BCL2L13: variants seen among roughly 807,000 people sequenced by gnomAD.
BCL2L13 encodes the protein BCL2 like 13.
Under a neutral mutation model 25.8 loss-of-function variants are expected in BCL2L13, and 13 were observed. The observed-to-expected ratio is 0.50, with a 90% confidence interval of 0.33 to 0.80. The LOEUF is 0.80. Among genes scored for constraint, BCL2L13 ranks in the 30% least tolerant of loss-of-function variants. BCL2L13 has a pLI of 0.02. For synonymous variants in BCL2L13, 244 were observed against 230.3 expected, an observed-to-expected ratio of 1.06 and a Z score of -0.54; for missense variants, 504 against 574.9, an observed-to-expected ratio of 0.88 and a Z score of 1.26.
chr22:17,632,778 G>T (rs2058051680), intron 1 of BCL2L13, among the ~76,000 whole-genome samples: 1 of 146,506 alleles, frequency 6.8e-6, no homozygotes, highest in African/African-American at 2.5e-5. Flanking sequence ...TTTGGAGATG[G>T]GAGTCTTGCT....
chr22:17,630,597 T>C (rs924601534), intron 1 of BCL2L13, among the ~76,000 whole-genome samples: 4 of 147,912 alleles, frequency 2.7e-5, no homozygotes, highest in Non-Finnish European at 6.0e-5. Flanking sequence ...TTTTCTTTTT[T>C]TTTTTTTTTT....
In BCL2L13 at chr22:17,719,846, A is replaced by AAAAAAAAAAAAC. The variant is rs1555897108; in HGVS notation, c.601-6827_601-6826insAAAAAAACAAAA. Among the ~76,000 whole-genome samples the AAAAAAAAAAAAC allele has an allele frequency of 1.5e-5, 2 of 129,114 alleles. 1 individual carries two copies. The allele number at this position is 129,114 out of a possible 152,430, so 84.7% of individuals were successfully genotyped here. A position where few individuals can be genotyped will look rare whatever the true frequency, so the allele number is the denominator to read the frequency against. On this transcript the variant is annotated intron_variant, in intron 6 of 6. Coordinates refer to ENST00000317582, the MANE Select transcript of BCL2L13 (RefSeq NM_015367.4). ...CCATCTCAAAAAAAAAAAAAAAAAA[A>AAAAAAAAAAAAC]AAAAGAATGAAGTATGGATACATGC...
At chr22:17,655,557 A>T in intron 1 of BCL2L13, 105 bp from the exon 2 acceptor site, 1 of 877,602 alleles carries the variant, frequency 1.1e-6, no homozygotes, top group Non-Finnish European at 1.6e-6. Flanking sequence ...CGACAAGAGC[A>T]AGACTCTACC....
rs2060260187 is a variant in BCL2L13 at position 17,696,220 on chromosome 22, C to A, written c.456+10C>A. 5 of 1,609,206 alleles carry A rather than the reference C, an allele frequency of 3.1e-6. No homozygotes were observed. Among genetic ancestry groups the A allele is most frequent in the Non-Finnish European group, 4.3e-6 (5 of 1,175,674 alleles). ...CAGCGGCTGGAATAAGGTATCATCA[C>A]AATGATCTTTTCTCTTAAAAGATTT... On this transcript the variant is annotated intron_variant, in intron 5 of 6. Coordinates refer to ENST00000317582, the MANE Select transcript of BCL2L13 (RefSeq NM_015367.4).
chr22:17,692,083 T>C (rs533733593), intron 4 of BCL2L13, among the ~76,000 whole-genome samples: 12 of 152,346 alleles, frequency 7.9e-5, no homozygotes, highest in African/African-American at 2.9e-4. Context: ...GGCAGTATCG[T>C]AAGGTAGAAA....
chr22:17,679,321 G>A (rs1227582102), intron 2 of BCL2L13, among the ~76,000 whole-genome samples: 2 of 144,418 alleles, frequency 1.4e-5, no homozygotes. Flanking sequence ...CCAGGCTGGA[G>A]TGCAATGGTG....
At chr22:17,699,273 G>T (rs1325158059) in intron 5 of BCL2L13, among the ~76,000 whole-genome samples, 3 of 152,156 alleles carry the variant, frequency 2.0e-5, no homozygotes, top group African/African-American at 4.8e-5. Context: ...TCACAGAAGG[G>T]TTAAATAGAT....
intron 4 of BCL2L13, among the ~76,000 whole-genome samples, chr22:17,694,698 T>C (rs958919610): frequency 1.3e-5 from 2 of 152,140 alleles, no homozygotes; most frequent in Admixed American, 1.3e-4. Flanking sequence ...ATTAGCTACA[T>C]GTGACATCGA....
chr22:17,726,474 C>G (rs566144065), intron 6 of BCL2L13, among the ~76,000 whole-genome samples: 92 of 151,862 alleles, frequency 6.1e-4, no homozygotes, highest in African/African-American at 2.1e-3. Context: ...TTTTTAGTTT[C>G]AAGGAGACTG....
chr22:17,713,696 G>A (rs1187278056), intron 6 of BCL2L13, among the ~76,000 whole-genome samples: 4 of 151,522 alleles, frequency 2.6e-5, no homozygotes, highest in Non-Finnish European at 4.4e-5. Context: ...TCTTGACCTC[G>A]TGATCCACCC....
chr22:17,683,953 G>T (rs2059832685), intron 3 of BCL2L13, among the ~76,000 whole-genome samples: 2 of 151,338 alleles, frequency 1.3e-5, no homozygotes, highest in South Asian at 4.2e-4. Flanking sequence ...GGGATTACAG[G>T]TGTAAGCCAC....
chr22:17,654,523 T>C (rs2058789618), intron 1 of BCL2L13, among the ~76,000 whole-genome samples: 1 of 151,778 alleles, frequency 6.6e-6, no homozygotes, highest in Non-Finnish European at 1.5e-5. Context: ...TCCGGGTTTA[T>C]GCCATTCTCC....
upstream of BCL2L13, chr22:17,638,585 C>G: frequency 1.1e-6 from 1 of 930,956 alleles, no homozygotes; most frequent in Non-Finnish European, 1.4e-6. Context: ...CCGAACGTCG[C>G]AATCAGATTT....
intron 1 of BCL2L13, among the ~76,000 whole-genome samples, chr22:17,645,299 G>A (rs569234270): frequency 3.7e-5 from 5 of 134,868 alleles, no homozygotes; most frequent in Non-Finnish European, 7.6e-5. Context: ...TAGGCTCACC[G>A]CAACCTCTGC....
intron 1 of BCL2L13, among the ~76,000 whole-genome samples, chr22:17,644,806 C>CTT (rs771290371): frequency 3.0e-5 from 4 of 133,434 alleles, no homozygotes; most frequent in Admixed American, 1.5e-4. Context: ...CTAGGAATTT[C>CTT]TTTTTTTTTT....
intron 1 of BCL2L13, among the ~76,000 whole-genome samples, chr22:17,651,543 G>A (rs1205677486): frequency 2.7e-5 from 4 of 147,886 alleles, no homozygotes; most frequent in African/African-American, 7.5e-5. Context: ...CACTGTGCCC[G>A]GCTAATTTTT....
intron 1 of BCL2L13, among the ~76,000 whole-genome samples, chr22:17,648,827 T>C (rs531776281): frequency 1.3e-5 from 2 of 152,168 alleles, no homozygotes; most frequent in Non-Finnish European, 2.9e-5. Flanking sequence ...TTTGGAAACT[T>C]AGTGATTTGT....
Position 17,660,032 on chromosome 22 carries a change from T to C in BCL2L13, c.121+4200T>C, listed in dbSNP as rs114359238. 4.3e-3 allele frequency among the ~76,000 whole-genome samples: 622 copies of C among 146,044 alleles called. 29 individuals are homozygous for C. Among genetic ancestry groups the C allele is most frequent in the African/African-American group, 0.015 (598 of 41,172 alleles). ...CACTGCGCCGAGCTCATTTTTATAC[T>C]TTTAGTGGAGATGGGTTTTCACCAT... On this transcript the variant is annotated intron_variant, in intron 2 of 6. Transcript: ENST00000317582.
intron 2 of BCL2L13, among the ~76,000 whole-genome samples, chr22:17,678,158 G>A (rs1472990125): frequency 6.6e-6 from 1 of 152,148 alleles, no homozygotes; most frequent in Non-Finnish European, 1.5e-5. Context: ...GAGTATCTTG[G>A]ACGATGGGAA....
Sources: allele counts gnomAD v4.1 joint callset (sites outside exome capture counted in the v4.1 genomes callset), GRCh38; gene constraint gnomAD v4.1.1; transcripts MANE v1.5; gene names NCBI Gene and HGNC (gene_info 2026-07-23, HGNC 2026-07-21).